Variants in TNNI1 observed in about 807,000 individuals in gnomAD.
TNNI1 encodes the protein troponin I, slow skeletal muscle.
In TNNI1, 14 loss-of-function variants were observed where a neutral mutation model predicts 26.7. The observed-to-expected ratio is 0.52, with a 90% CI of 0.35 to 0.82. The LOEUF (loss-of-function observed/expected upper bound fraction) is 0.82, where lower values mean the gene tolerates loss of function less well. Among genes scored for constraint, TNNI1 ranks in the 40% least tolerant of loss-of-function variants. TNNI1 has a pLI of 0.01. For synonymous variants in TNNI1, 79 were observed against 98.2 expected, an observed-to-expected ratio of 0.80 and a Z score of 1.16; for missense variants, 164 against 257.0, an observed-to-expected ratio of 0.64 and a Z score of 2.47.
intron 1 of TNNI1, among the ~76,000 whole-genome samples, chr1:201,418,335 G>A (rs1260550964): frequency 6.6e-6 from 1 of 152,014 alleles, no homozygotes; most frequent in Non-Finnish European, 1.5e-5. Flanking sequence ...CAGCATGGTG[G>A]TGCACGCCTA....
In TNNI1 at chr1:201,407,236, G is replaced by A. The variant is rs887588314; in HGVS notation, c.*2017C>T. 1 of 152,268 alleles carries A rather than the reference G, an allele frequency of 6.6e-6. No individual in the cohort carries two copies. Among genetic ancestry groups the A allele is most frequent in the African/African-American group, 2.4e-5 (1 of 41,454 alleles). The allele number at this position is 152,268 out of a possible 1,614,324, so 9.4% of individuals were successfully genotyped here. A position where few individuals can be genotyped will look rare whatever the true frequency, so the allele number is the denominator to read the frequency against. On this transcript the variant is annotated 3_prime_UTR_variant, in exon 9 of 9. Transcript: ENST00000361379. ...GTTTCTGTGGCTGCCTGGGCATGAA[G>A]GCATGAAGCCTAACCCCATCCTCTG...
At chr1:201,421,207 C>T (rs1290769273) in intron 1 of TNNI1, among the ~76,000 whole-genome samples, 1 of 152,164 alleles carries the variant, frequency 6.6e-6, no homozygotes, top group African/African-American at 2.4e-5. Flanking sequence ...CTGGCCCTGC[C>T]TTCTAGGCTC....
intron 1 of TNNI1, among the ~76,000 whole-genome samples, chr1:201,418,576 C>T (rs1449837491): frequency 3.3e-5 from 5 of 151,916 alleles, no homozygotes; most frequent in African/African-American, 9.7e-5. Context: ...CATTGAAGGG[C>T]TCAGAGAGAG....
chr1:201,418,064 T>G (rs1662786027), intron 1 of TNNI1, among the ~76,000 whole-genome samples: 1 of 151,678 alleles, frequency 6.6e-6, no homozygotes. Context: ...TTTTTTTTTT[T>G]TAAGAATTTG....
chr1:201,413,911 G>A (rs976019444), intron 5 of TNNI1, among the ~76,000 whole-genome samples: 3 of 152,064 alleles, frequency 2.0e-5, no homozygotes, highest in East Asian at 1.9e-4. Flanking sequence ...TCCTGCCTCC[G>A]CCTTTCAAAA....
Position 201,407,433 on chromosome 1 carries a change from G to A in TNNI1, c.*1820C>T, listed in dbSNP as rs1417340727. The A allele has an allele frequency of 1.3e-5, 2 of 152,270 alleles. No individual in the cohort carries two copies. The highest frequency in any genetic ancestry group is 1.9e-4 in the East Asian group (1 of 5,194). 9.4% of individuals were successfully genotyped at this position (152,270 alleles called of 1,614,324 possible). A position where few individuals can be genotyped will look rare whatever the true frequency, so the allele number is the denominator to read the frequency against. ...TGGGCAGAGTGCTGCTTCCCCTAAG[G>A]TAGCCCAAGTTGCTGGTTCCCACTG... On this transcript the variant is annotated 3_prime_UTR_variant, in exon 9 of 9. Coordinates refer to ENST00000361379, the MANE Select transcript of TNNI1 (RefSeq NM_003281.4).
intron 3 of TNNI1, among the ~76,000 whole-genome samples, chr1:201,415,707 G>A (rs572727425): frequency 1.3e-5 from 2 of 152,158 alleles, no homozygotes; most frequent in Admixed American, 6.5e-5. Context: ...TTGATGATCC[G>A]TCATGCTGCA....
At position 201,410,331 on chromosome 1, in the gene TNNI1, T is replaced by C. The variant is rs1558280450; in HGVS notation, c.561A>G (p.Gln187=). 1 of 1,613,764 alleles carries C rather than the reference T, an allele frequency of 6.2e-7. No homozygotes were observed. The highest frequency in any genetic ancestry group is 8.5e-7 in the Non-Finnish European group (1 of 1,179,658). ...MFDAAKSPTS[Q] is the part of the protein sequence containing the mutation. ...GGGAGCTGGTCTCTAGGTACCTCTATTGTGAGGTCGGAGACTTGGCGGCAT... is the reference window on the plus strand; with the variant it reads ...GGGAGCTGGTCTCTAGGTACCTCTACTGTGAGGTCGGAGACTTGGCGGCAT... The change falls in exon 8 of 9, where the codon CAA becomes CAG. Residue 187 remains glutamine, a synonymous_variant. Coordinates refer to ENST00000361379, the MANE Select transcript of TNNI1 (RefSeq NM_003281.4).
intron 1 of TNNI1, among the ~76,000 whole-genome samples, chr1:201,420,736 T>G (rs1000411672): frequency 2.1e-4 from 32 of 151,706 alleles, no homozygotes; most frequent in African/African-American, 7.7e-4. Context: ...ATCCCTGTCT[T>G]CCTTGACTGA....
Position 201,417,224 on chromosome 1 carries a change from G to T in TNNI1, c.12-105C>A, listed in dbSNP as rs554282058. On this transcript the variant is annotated intron_variant, in intron 2 of 8. Coordinates refer to ENST00000361379, the MANE Select transcript of TNNI1 (RefSeq NM_003281.4). ...TCGCAGAACCTCACAGACCAGCTTG[G>T]GGGAGGAGGGGGCCAGTGACAACAG... is the stretch of plus-strand genomic sequence containing the variant. The T allele has an allele frequency of 1.9e-5, 28 of 1,459,276 alleles. No homozygotes were observed. The African/African-American group carries it at 2.2e-4, about 12-fold the overall frequency. 90.4% of individuals were successfully genotyped at this position (1,459,276 alleles called of 1,614,324 possible). A position where few individuals can be genotyped will look rare whatever the true frequency, so the allele number is the denominator to read the frequency against.
Position 201,406,131 on chromosome 1 carries a change from T to G in TNNI1, c.*3122A>C, listed in dbSNP as rs867812875. ...TTGGGCTCTGTTAAGGCCAGTCTGATCTCAGAAAAGGGCAACCCCAAGGCA... is the reference window on the plus strand; with the variant it reads ...TTGGGCTCTGTTAAGGCCAGTCTGAGCTCAGAAAAGGGCAACCCCAAGGCA... On this transcript the variant is annotated 3_prime_UTR_variant, in exon 9 of 9. Coordinates refer to ENST00000361379, the MANE Select transcript of TNNI1 (RefSeq NM_003281.4). 6.6e-6 allele frequency: 1 copy of G among 152,198 alleles called. No individual in the cohort carries two copies. Among genetic ancestry groups the G allele is most frequent in the Non-Finnish European group, 1.5e-5 (1 of 68,046 alleles). 9.4% of individuals were successfully genotyped at this position (152,198 alleles called of 1,614,324 possible).
Position 201,414,647 on chromosome 1 carries a change from G to C in TNNI1, c.60C>G (p.Ser20Arg). 6.2e-7 allele frequency: 1 copy of C among 1,613,584 alleles called. No homozygotes were observed. The highest frequency in any genetic ancestry group is 8.5e-7 in the Non-Finnish European group (1 of 1,179,844). ...ITASRKLLLKSLMLAKAKECW... is the reference protein window; with the variant it reads ...ITASRKLLLKRLMLAKAKECW... ...ATTCCTTGGCCTTGGCCAGCATCAGGCTCTGGACAGGACACACCTGCTGAG... is the reference window on the plus strand; with the variant it reads ...ATTCCTTGGCCTTGGCCAGCATCAGCCTCTGGACAGGACACACCTGCTGAG... The change falls in exon 5 of 9, where the codon AGC becomes AGG. Residue 20 changes from serine to arginine, a missense_variant and splice_region_variant. By Grantham distance (110) the Ser-to-Arg change is moderately radical. This residue lies in a region of TNNI1 where 117 missense variants were observed against 158.7 expected (regional missense o/e 0.74). Coordinates refer to ENST00000361379, the MANE Select transcript of TNNI1 (RefSeq NM_003281.4).
intron 1 of TNNI1, among the ~76,000 whole-genome samples, chr1:201,420,280 A>G (rs1410601849): frequency 6.6e-6 from 1 of 152,206 alleles, no homozygotes; most frequent in African/African-American, 2.4e-5. Context: ...GTGCTCTGAC[A>G]CCCCTCAGAC....
Position 201,404,022 on chromosome 1 carries a change from T to C in TNNI1, c.*5231A>G, listed in dbSNP as rs1662469882. ...TCTTTATACGTACATTAAAAACGTA[T>C]GCGTGTCCTGGTTACTTCCTCCAGG... On this transcript the variant is annotated 3_prime_UTR_variant, in exon 9 of 9. Coordinates refer to ENST00000361379, the MANE Select transcript of TNNI1 (RefSeq NM_003281.4). The C allele has an allele frequency of 6.6e-6, 1 of 152,194 alleles. No individual in the cohort carries two copies. The highest frequency in any genetic ancestry group is 1.5e-5 in the Non-Finnish European group (1 of 68,028). The allele number at this position is 152,194 out of a possible 1,614,324, so 9.4% of individuals were successfully genotyped here.
chr1:201,418,242 G>A lies in TNNI1; in HGVS notation c.-19-430C>T, dbSNP rs560276646. Among the ~76,000 whole-genome samples the A allele has an allele frequency of 9.9e-5, 15 of 151,964 alleles. No individual in the cohort carries two copies. The South Asian group carries it at 1.3e-3, about 13-fold the overall frequency. On this transcript the variant is annotated intron_variant, in intron 1 of 8. Coordinates refer to ENST00000361379, the MANE Select transcript of TNNI1 (RefSeq NM_003281.4). The stretch of plus-strand genomic sequence containing the variant: ...TCCCAGCACTTTGGGAGGCCAAGGC[G>A]GGCAGTTCATGAGGTAAGGAGTTCA...
intron 7 of TNNI1, 54 bp from the exon 8 acceptor site, chr1:201,410,489 G>T: frequency 1.3e-6 from 2 of 1,494,892 alleles, no homozygotes; most frequent in Non-Finnish European, 1.9e-6. Flanking sequence ...CGGCCCCCCA[G>T]CTCAAGAGAA....
At position 201,413,101 on chromosome 1, in the gene TNNI1, G is replaced by T; in HGVS notation, c.210C>A (p.His70Gln). 2 of 1,614,074 alleles carry T rather than the reference G, an allele frequency of 1.2e-6. No homozygotes were observed. Among genetic ancestry groups the T allele is most frequent in the South Asian group, 1.1e-5 (1 of 91,084 alleles). ...CCTCATCCACCACCTCCACCTTGGC[G>T]TGCAGCTCCCGGCACAGGTCCTGGG... ...SALQDLCREL[H>Q]AKVEVVDEER... is the part of the protein sequence containing the mutation. The change falls in exon 6 of 9, where the codon CAC becomes CAA. Residue 70 changes from histidine to glutamine, a missense_variant. By Grantham distance (24) the His-to-Gln change is conservative (BLOSUM62 0). Coordinates refer to ENST00000361379, the MANE Select transcript of TNNI1 (RefSeq NM_003281.4).
At chr1:201,410,287 T>C (rs759725796) in intron 8 of TNNI1, 39 bp downstream of exon 8, 1 of 1,581,994 alleles carries the variant, frequency 6.3e-7, no homozygotes, top group East Asian at 2.2e-5. Flanking sequence ...TCCTCTAGAC[T>C]CTGATGGACC....
At chr1:201,412,848 G>T (rs1662661764) in intron 6 of TNNI1, among the ~76,000 whole-genome samples, 184 bp downstream of exon 6, 1 of 152,228 alleles carries the variant, frequency 6.6e-6, no homozygotes, top group Non-Finnish European at 1.5e-5. Flanking sequence ...TACTTTTCAT[G>T]TGTGATTATC....
Sources: allele counts gnomAD v4.1 joint callset (sites outside exome capture counted in the v4.1 genomes callset), GRCh38; gene constraint gnomAD v4.1.1; regional missense constraint gnomAD v4.1.1; transcripts MANE v1.5; gene names NCBI Gene and HGNC (gene_info 2026-07-23, HGNC 2026-07-21).